Variants in ARHGAP18 observed in about 807,000 individuals in gnomAD.
ARHGAP18 encodes rho GTPase-activating protein 18.
A neutral mutation model predicts 86.2 loss-of-function variants in ARHGAP18; 67 were observed. That is an observed-to-expected ratio of 0.78 (90% CI 0.64 to 0.95). The LOEUF is 0.95. Ranked by LOEUF, ARHGAP18 falls within the 40% of genes least tolerant of loss-of-function variation. The probability of loss-of-function intolerance (pLI) is 0.00; values close to 1 mark genes in which losing one functional copy is unlikely to be tolerated. For synonymous variants in ARHGAP18, 283 were observed against 280.4 expected (o/e 1.01, Z -0.09); for missense variants, 691 against 780.4 (o/e 0.89, Z 1.37).
intron 5 of ARHGAP18, among the ~76,000 whole-genome samples, chr6:129,623,891 G>A (rs1353360520): frequency 6.6e-6 from 1 of 152,192 alleles, no homozygotes; most frequent in Non-Finnish European, 1.5e-5. Flanking sequence ...GATCAGGAAA[G>A]ACTGAACAGG....
chr6:129,620,746 A>G (rs756857473), intron 5 of ARHGAP18, among the ~76,000 whole-genome samples: 1 of 152,210 alleles, frequency 6.6e-6, no homozygotes, highest in African/African-American at 2.4e-5. Flanking sequence ...AGGGCAAAAG[A>G]CATGTCCTAA....
rs116961225 is a variant in ARHGAP18 at position 129,645,351 on chromosome 6, T to C, written c.114-3333A>G. ...TTTAGGAGTATGTTATATGATATCA[T>C]GTTCATTCTGCAAATGGGGTTCAAA... On this transcript the variant is annotated intron_variant, in intron 1 of 14. Coordinates refer to ENST00000368149, the MANE Select transcript of ARHGAP18 (RefSeq NM_033515.3). 2.1e-3 allele frequency among the ~76,000 whole-genome samples: 313 copies of C among 152,344 alleles called. 2 individuals are homozygous for C. Among genetic ancestry groups the C allele is most frequent in the Non-Finnish European group, 3.6e-3 (242 of 68,036 alleles).
chr6:129,649,339 A>C (rs1773652547), intron 1 of ARHGAP18, among the ~76,000 whole-genome samples: 1 of 152,132 alleles, frequency 6.6e-6, no homozygotes, highest in African/African-American at 2.4e-5. Flanking sequence ...GCAAATCACG[A>C]GGTCAGGAGA....
At chr6:129,704,696 A>G (rs535929223) in intron 1 of ARHGAP18, among the ~76,000 whole-genome samples, 1 of 152,118 alleles carries the variant, frequency 6.6e-6, no homozygotes, top group African/African-American at 2.4e-5. Flanking sequence ...CCAAACCACC[A>G]CTGCCTTAAC....
At position 129,600,847 on chromosome 6, in the gene ARHGAP18, GC is replaced by G; in HGVS notation, c.1366del (p.Ala456ProfsTer9). 1 of 1,607,810 alleles carries G rather than the reference GC, an allele frequency of 6.2e-7. No homozygotes were observed. Among genetic ancestry groups the G allele is most frequent in the Non-Finnish European group, 8.5e-7 (1 of 1,176,156 alleles). On this transcript the variant is annotated frameshift_variant and splice_region_variant, in exon 11 of 15. Coordinates refer to ENST00000368149, the MANE Select transcript of ARHGAP18 (RefSeq NM_033515.3). LOFTEE classifies it high-confidence loss of function. ...LPDANRDTLK[A>X]LLEFLQRVID... is the part of the protein sequence containing the mutation. Reference sequence around the variant, plus strand: ...TACTCTTTGGAGAAATTCAAGAAGGGCCTGAAACAGAAATGACTCTTTGAGA... The same window carrying G: ...TACTCTTTGGAGAAATTCAAGAAGGGCTGAAACAGAAATGACTCTTTGAGA...
intron 4 of ARHGAP18, among the ~76,000 whole-genome samples, chr6:129,631,457 G>GA: frequency 6.6e-6 from 1 of 152,032 alleles, no homozygotes; most frequent in Non-Finnish European, 1.5e-5. Flanking sequence ...GCACAGCACA[G>GA]AAAAAAACAG....
In ARHGAP18 at chr6:129,710,052, C is replaced by CA; in HGVS notation, c.84dup (p.Ala29CysfsTer34). 1 of 1,614,178 alleles carries CA rather than the reference C, an allele frequency of 6.2e-7. No individual in the cohort carries two copies. The highest frequency in any genetic ancestry group is 1.1e-5 in the South Asian group (1 of 91,084). On this transcript the variant is annotated frameshift_variant, in exon 1 of 15. Transcript: ENST00000368149. LOFTEE classifies it high-confidence loss of function. ...GAGGTGGCTTCCTCCCCTGCCTTTG[C>CA]ATGGCTGTTCCCGACGGTCTGGTCC...
At chr6:129,620,069 T>A (rs1474008751) in intron 5 of ARHGAP18, among the ~76,000 whole-genome samples, 1 of 152,174 alleles carries the variant, frequency 6.6e-6, no homozygotes, top group East Asian at 1.9e-4. Context: ...CTACTGCAGG[T>A]TGAGTACACC....
intron 5 of ARHGAP18, among the ~76,000 whole-genome samples, chr6:129,626,857 G>A (rs1051874141): frequency 6.6e-6 from 1 of 152,048 alleles, no homozygotes; most frequent in Non-Finnish European, 1.5e-5. Context: ...GCCATTTCCT[G>A]AGAACTACAA....
At chr6:129,601,475 A>G (rs1387818530) in intron 10 of ARHGAP18, among the ~76,000 whole-genome samples, 1 of 151,094 alleles carries the variant, frequency 6.6e-6, no homozygotes, top group Non-Finnish European at 1.5e-5. Context: ...AAAAAAGGAA[A>G]AGAGAAGAGA....
chr6:129,603,458 C>T (rs1788790393), intron 10 of ARHGAP18, among the ~76,000 whole-genome samples: 1 of 152,018 alleles, frequency 6.6e-6, no homozygotes, highest in South Asian at 2.1e-4. Flanking sequence ...TTATCACTGG[C>T]CTGGTGGTAT....
chr6:129,676,798 C>T (rs1259938965), intron 1 of ARHGAP18, among the ~76,000 whole-genome samples: 1 of 151,574 alleles, frequency 6.6e-6, no homozygotes, highest in Non-Finnish European at 1.5e-5. Context: ...AAAGTTATAC[C>T]AAACGAGACT....
At chr6:129,612,963 G>A (rs1789009240) in intron 7 of ARHGAP18, among the ~76,000 whole-genome samples, 2 of 152,252 alleles carry the variant, frequency 1.3e-5, no homozygotes, top group South Asian at 4.1e-4. Flanking sequence ...GCCGGGCATG[G>A]TGGCTCACCC....
At position 129,599,331 on chromosome 6, in the gene ARHGAP18, A is replaced by G; in HGVS notation, c.1598T>C (p.Val533Ala). The change falls in exon 12 of 15, where the codon GTG becomes GCG. Residue 533 changes from valine to alanine, a missense_variant. Transcript: ENST00000368149. ...WTIPKFIVNQVRKQNTENHKK... is the reference protein window; with the variant it reads ...WTIPKFIVNQARKQNTENHKK... ...ATGATTTTCCGTGTTTTGCTTCCTC[A>G]CTTGGTTTACAATAAACTTGGGAAT... 1 of 1,577,616 alleles carries G rather than the reference A, an allele frequency of 6.3e-7. No homozygotes were observed. Among genetic ancestry groups the G allele is most frequent in the East Asian group, 2.3e-5 (1 of 43,536 alleles).
At chr6:129,670,653 A>G (rs1293225677) in intron 1 of ARHGAP18, among the ~76,000 whole-genome samples, 1 of 151,708 alleles carries the variant, frequency 6.6e-6, no homozygotes, top group East Asian at 1.9e-4. Context: ...AAGGAGACTC[A>G]TTCAGATTCA....
At chr6:129,676,057 A>G (rs926831757) in intron 1 of ARHGAP18, among the ~76,000 whole-genome samples, 1 of 152,146 alleles carries the variant, frequency 6.6e-6, no homozygotes, top group African/African-American at 2.4e-5. Context: ...CAGGCACTTG[A>G]TCCATTATAT....
intron 1 of ARHGAP18, among the ~76,000 whole-genome samples, chr6:129,683,069 GT>G (rs1164484668): frequency 8.0e-5 from 9 of 112,126 alleles, no homozygotes; most frequent in Admixed American, 2.6e-4. Flanking sequence ...TTTTTTTTTT[GT>G]TTTTTTTTTT....
At position 129,710,065 on chromosome 6, in the gene ARHGAP18, G is replaced by A; in HGVS notation, c.72C>T (p.Val24=). Residue 24 remains valine, a synonymous_variant, in exon 1 of 15, where the codon GTC becomes GTT. Coordinates refer to ENST00000368149, the MANE Select transcript of ARHGAP18 (RefSeq NM_033515.3). ...AYHPSGKDQT[V]GNSHAKAGEE... ...CCCCTGCCTTTGCATGGCTGTTCCC[G>A]ACGGTCTGGTCCTTGCCGCTGGGGT... 2 of 1,614,118 alleles carry A rather than the reference G, an allele frequency of 1.2e-6. No homozygotes were observed. Among genetic ancestry groups the A allele is most frequent in the Non-Finnish European group, 1.7e-6 (2 of 1,179,952 alleles).
At chr6:129,698,471 T>G (rs17057644) in intron 1 of ARHGAP18, among the ~76,000 whole-genome samples, 2,170 of 152,082 alleles carry the variant, frequency 0.014, 45 homozygotes, top group African/African-American at 0.049. Flanking sequence ...AAATTCTTGT[T>G]AGTGTGAATT....
Sources: gnomAD v4.1 joint callset for allele counts (sites outside exome capture counted in the v4.1 genomes callset) on GRCh38, gnomAD v4.1.1 for gene constraint, MANE v1.5 for transcripts, NCBI Gene and HGNC (gene_info 2026-07-23, HGNC 2026-07-21) for gene names.